Variants in TMEM132D observed in about 807,000 individuals in gnomAD.
The protein encoded by TMEM132D is transmembrane protein 132D, also known as mature OL transmembrane protein.
Under a neutral mutation model 62.3 loss-of-function variants are expected in TMEM132D, and 21 were observed. That is an observed-to-expected ratio of 0.34 (90% CI 0.24 to 0.49). TMEM132D has a LOEUF of 0.49. TMEM132D is among the 20% of genes least tolerant of loss of function. The probability of loss-of-function intolerance (pLI) is 0.99; values close to 1 mark genes in which losing one functional copy is unlikely to be tolerated. For synonymous variants in TMEM132D, 621 were observed against 575.6 expected (o/e 1.08, Z -1.13); for missense variants, 1,346 against 1,402.8 (o/e 0.96, Z 0.65).
At chr12:129,772,440 A>G (rs1870785113) in intron 1 of TMEM132D, among the ~76,000 whole-genome samples, 6 of 152,230 alleles carry the variant, frequency 3.9e-5, no homozygotes, top group Admixed American at 3.9e-4. Flanking sequence ...GAAAAGTTGC[A>G]TATTTTAAAG....
intron 4 of TMEM132D, among the ~76,000 whole-genome samples, chr12:129,239,450 A>G (rs1056337416): frequency 5.3e-5 from 8 of 152,190 alleles, no homozygotes; most frequent in African/African-American, 1.9e-4. Context: ...TTCTGACACC[A>G]TTTGTTGATG....
intron 3 of TMEM132D, among the ~76,000 whole-genome samples, chr12:129,516,651 G>C (rs1467277072): frequency 1.3e-5 from 2 of 152,176 alleles, no homozygotes; most frequent in Non-Finnish European, 1.5e-5. Flanking sequence ...AATTATGGGA[G>C]CTACAATTCA....
At chr12:129,284,236 C>A (rs564323424) in intron 4 of TMEM132D, among the ~76,000 whole-genome samples, 1 of 152,312 alleles carries the variant, frequency 6.6e-6, no homozygotes, top group South Asian at 2.1e-4. Context: ...AGCAGCTGGA[C>A]ATCCACATCA....
At chr12:129,875,727 A>G (rs924511434) in intron 1 of TMEM132D, among the ~76,000 whole-genome samples, 7 of 152,178 alleles carry the variant, frequency 4.6e-5, no homozygotes, top group Non-Finnish European at 8.8e-5. Flanking sequence ...GCCTCATCCC[A>G]GGGAGGCAGT....
chr12:129,618,110 T>G lies in TMEM132D; in HGVS notation c.968+81700A>C, dbSNP rs148088872. 2.6e-4 allele frequency among the ~76,000 whole-genome samples: 40 copies of G among 152,286 alleles called. No individual in the cohort carries two copies. In the East Asian group the frequency reaches 7.3e-3, roughly 28 times the overall value. The stretch of plus-strand genomic sequence containing the variant: ...TAGGGAGCCTGCTAAACACAGAGCC[T>G]GGAGGCGTAAAATTTAATTACATAA... On this transcript the variant is annotated intron_variant, in intron 2 of 8. Coordinates refer to ENST00000422113, the MANE Select transcript of TMEM132D (RefSeq NM_133448.3).
chr12:129,780,108 C>G (rs762743372), intron 1 of TMEM132D, among the ~76,000 whole-genome samples: 4 of 152,066 alleles, frequency 2.6e-5, no homozygotes, highest in Non-Finnish European at 5.9e-5. Flanking sequence ...CACACCCACC[C>G]GCAAAGGGGC....
intron 5 of TMEM132D, among the ~76,000 whole-genome samples, chr12:129,207,234 G>A (rs1031508069): frequency 1.3e-5 from 2 of 148,948 alleles, no homozygotes; most frequent in Admixed American, 1.3e-4. Flanking sequence ...GTTCCAAGGA[G>A]GACAGTCAGA....
chr12:129,588,341 C>T (rs1279591002), intron 2 of TMEM132D, among the ~76,000 whole-genome samples: 2 of 152,162 alleles, frequency 1.3e-5, no homozygotes, highest in Non-Finnish European at 2.9e-5. Context: ...CACTTGTGCT[C>T]CGGAATCACT....
At chr12:129,762,473 T>C (rs1479414855) in intron 1 of TMEM132D, among the ~76,000 whole-genome samples, 1 of 152,058 alleles carries the variant, frequency 6.6e-6, no homozygotes. Context: ...ATGTTTCAAA[T>C]CCCTGTTCTG....
chr12:129,144,832 TTATC>T (rs556329824), intron 5 of TMEM132D, among the ~76,000 whole-genome samples: 148 of 152,280 alleles, frequency 9.7e-4, no homozygotes, highest in African/African-American at 3.0e-3. Context: ...TCTCTATTGA[TTATC>T]TATCTATGTA....
At chr12:129,584,889 T>C (rs768182419) in intron 2 of TMEM132D, among the ~76,000 whole-genome samples, 16 of 152,156 alleles carry the variant, frequency 1.1e-4, no homozygotes, top group African/African-American at 1.4e-4. Flanking sequence ...ATCTCTCTCA[T>C]GTGGCAACAG....
chr12:129,337,447 A>ACG (rs1869326413), intron 4 of TMEM132D, among the ~76,000 whole-genome samples, 187 bp downstream of exon 4: 1 of 142,280 alleles, frequency 7.0e-6, no homozygotes, highest in Non-Finnish European at 1.5e-5. Context: ...ACACGCACAC[A>ACG]CACACACACA....
intron 2 of TMEM132D, among the ~76,000 whole-genome samples, chr12:129,626,673 T>C (rs1017485388): frequency 5.3e-5 from 8 of 152,284 alleles, no homozygotes; most frequent in African/African-American, 1.9e-4. Context: ...GCTAGTCTGG[T>C]CTCAACTCCT....
chr12:129,732,177 C>G (rs1192934733), intron 1 of TMEM132D, among the ~76,000 whole-genome samples: 1 of 152,104 alleles, frequency 6.6e-6, no homozygotes, highest in Non-Finnish European at 1.5e-5. Flanking sequence ...TTCCTCAGAT[C>G]GCATGGGGAA....
intron 4 of TMEM132D, among the ~76,000 whole-genome samples, chr12:129,320,505 C>T (rs547020864): frequency 6.6e-6 from 1 of 152,202 alleles, no homozygotes; most frequent in African/African-American, 2.4e-5. Flanking sequence ...CTAGGAAGGG[C>T]TAGAAAAAGA....
At chr12:129,603,724 G>C (rs113293948) in intron 2 of TMEM132D, among the ~76,000 whole-genome samples, 14,985 of 152,056 alleles carry the variant, frequency 0.099, 838 homozygotes, top group African/African-American at 0.15. Context: ...GTTGGTGGGA[G>C]TGTAAATTAG....
chr12:129,481,030 A>G (rs1014067152), intron 3 of TMEM132D, among the ~76,000 whole-genome samples: 4 of 152,150 alleles, frequency 2.6e-5, no homozygotes, highest in African/African-American at 9.7e-5. Context: ...CCTGAAATGC[A>G]CACAGGAATG....
chr12:129,327,281 A>AACT (rs1373551644), intron 4 of TMEM132D, among the ~76,000 whole-genome samples: 3 of 152,180 alleles, frequency 2.0e-5, no homozygotes, highest in Non-Finnish European at 4.4e-5. Context: ...GGTGGAGAAC[A>AACT]ACAGACAGTG....
intron 2 of TMEM132D, among the ~76,000 whole-genome samples, chr12:129,591,179 C>T (rs558209394): frequency 6.6e-6 from 1 of 152,286 alleles, no homozygotes. Context: ...GAAGGGGGCA[C>T]TGTTGAGGGC....
Sources: gnomAD v4.1 joint callset for allele counts (sites outside exome capture counted in the v4.1 genomes callset) on GRCh38, gnomAD v4.1.1 for gene constraint, MANE v1.5 for transcripts, NCBI Gene and HGNC (gene_info 2026-07-23, HGNC 2026-07-21) for gene names.